Variants in CTNNA2 observed in about 807,000 individuals in gnomAD.
The protein encoded by CTNNA2 is catenin alpha 2, also known as catenin alpha-2.
A neutral mutation model predicts 101.0 loss-of-function variants in CTNNA2; 42 were observed. That is an observed-to-expected ratio of 0.42 (90% CI 0.32 to 0.54). The LOEUF (loss-of-function observed/expected upper bound fraction) is 0.54. Among genes scored for constraint, CTNNA2 ranks in the 20% least tolerant of loss-of-function variants. The pLI, the probability that CTNNA2 is intolerant of heterozygous loss-of-function variation, is 0.14. For missense variants in CTNNA2, 871 were observed against 1,223.1 expected (o/e 0.71, Z 4.29); for synonymous variants, 450 against 456.4 (o/e 0.99, Z 0.18).
chr2:79,787,258 C>T (rs773600929), intron 3 of CTNNA2, among the ~76,000 whole-genome samples: 1 of 151,900 alleles, frequency 6.6e-6, no homozygotes, highest in African/African-American at 2.4e-5. Context: ...TAACTTTTTT[C>T]AACTTTCTAT....
chr2:79,755,194 G>C (rs1369048030), intron 3 of CTNNA2, among the ~76,000 whole-genome samples: 3 of 152,096 alleles, frequency 2.0e-5, no homozygotes, highest in Non-Finnish European at 4.4e-5. Context: ...AGCTGGGCAT[G>C]GTGGTGCACA....
intron 4 of CTNNA2, among the ~76,000 whole-genome samples, chr2:79,462,428 C>T (rs889638639): frequency 1.3e-5 from 2 of 152,184 alleles, no homozygotes; most frequent in African/African-American, 4.8e-5. Context: ...ATGGTTTGGT[C>T]CACATGGTTA....
chr2:80,086,972 T>C (rs1250670809), intron 7 of CTNNA2, among the ~76,000 whole-genome samples: 8 of 151,988 alleles, frequency 5.3e-5, no homozygotes, highest in African/African-American at 1.7e-4. Context: ...AGATGATGCT[T>C]TGAGGATTAC....
chr2:79,777,476 C>T (rs983636411), intron 3 of CTNNA2, among the ~76,000 whole-genome samples: 1 of 151,954 alleles, frequency 6.6e-6, no homozygotes, highest in African/African-American at 2.4e-5. Flanking sequence ...TTAAGAGTAG[C>T]CGAGAGACTT....
chr2:80,218,079 T>G (rs1708373768), intron 7 of CTNNA2, among the ~76,000 whole-genome samples: 1 of 152,258 alleles, frequency 6.6e-6, no homozygotes, highest in Non-Finnish European at 1.5e-5. Flanking sequence ...AGAGGTTATT[T>G]ATTTTTCCCA....
intron 7 of CTNNA2, among the ~76,000 whole-genome samples, chr2:80,283,815 A>C (rs1674559093): frequency 6.6e-6 from 1 of 152,036 alleles, no homozygotes; most frequent in Non-Finnish European, 1.5e-5. Flanking sequence ...CAGGGAGTGG[A>C]AGAATGGAAG....
rs182935522 is a variant in CTNNA2, at chr2:80,137,844, A to G, written c.1056+228047A>G. On this transcript the variant is annotated intron_variant, in intron 7 of 18. Coordinates refer to ENST00000402739, the MANE Select transcript of CTNNA2 (RefSeq NM_001282597.3). Reference sequence around the variant, plus strand: ...CATTCCATTGTTGGGATTTTAAACAACAAAGTATTGTGAATAGAGTGTCTT... The same window carrying G: ...CATTCCATTGTTGGGATTTTAAACAGCAAAGTATTGTGAATAGAGTGTCTT... 5.1e-4 allele frequency among the ~76,000 whole-genome samples: 77 copies of G among 152,142 alleles called. No individual in the cohort carries two copies. The East Asian group carries it at 0.011, about 22-fold the overall frequency.
chr2:80,092,802 C>T (rs974657036), intron 7 of CTNNA2, among the ~76,000 whole-genome samples: 4 of 152,104 alleles, frequency 2.6e-5, no homozygotes, highest in African/African-American at 9.6e-5. Context: ...TCTATTCCAT[C>T]CAGAGGTTCC....
intron 4 of CTNNA2, among the ~76,000 whole-genome samples, chr2:79,496,437 C>T (rs1671256522): frequency 6.6e-6 from 1 of 152,028 alleles, no homozygotes; most frequent in Non-Finnish European, 1.5e-5. Flanking sequence ...AAGTTGAAAA[C>T]TGGAAAGTAT....
intron 7 of CTNNA2, among the ~76,000 whole-genome samples, chr2:80,380,192 A>G (rs533334326): frequency 9.9e-4 from 150 of 152,020 alleles, no homozygotes; most frequent in African/African-American, 3.3e-3. Flanking sequence ...GCCTGCCACC[A>G]TGCCCGGCTA....
rs1027318996 is a variant in CTNNA2, at chr2:79,218,820, T to C, written c.-406+20744T>C. On this transcript the variant is annotated intron_variant, in intron 2 of 21. Coordinates refer to the CTNNA2 transcript ENST00000466387. ...AATTACCAGAATCTTTCAGACATTGTGTAACTTTTTGCTAAAGTTCAAAAA... is the reference window on the plus strand; with the variant it reads ...AATTACCAGAATCTTTCAGACATTGCGTAACTTTTTGCTAAAGTTCAAAAA... Among the ~76,000 whole-genome samples, 3 of 152,204 alleles carry C rather than the reference T, an allele frequency of 2.0e-5. No individual in the cohort carries two copies. In the South Asian group the frequency reaches 6.2e-4, roughly 31 times the overall value.
rs947507427 is a variant in CTNNA2, at chr2:79,211,170, T to C, written c.-406+13094T>C. 3.3e-5 allele frequency among the ~76,000 whole-genome samples: 5 copies of C among 152,342 alleles called. No individual in the cohort carries two copies. The East Asian group carries it at 9.6e-4, about 29-fold the overall frequency. ...TTTAAGTGGATGTTTGTTTAAATCT[T>C]ACCTTTCACACTCTCCCTTCTCATT... On this transcript the variant is annotated intron_variant, in intron 2 of 21. Coordinates refer to the CTNNA2 transcript ENST00000466387.
chr2:79,997,669 T>C (rs1692654665), intron 7 of CTNNA2, among the ~76,000 whole-genome samples: 2 of 152,010 alleles, frequency 1.3e-5, no homozygotes, highest in South Asian at 4.2e-4. Context: ...CAGCAAAGAC[T>C]TCCAGAAGAA....
In CTNNA2 at chr2:80,598,300, C is replaced by T. The variant is rs186672814; in HGVS notation, c.2190-5774C>T. ...GGGAACAACACACACTGGGGCCTGT[C>T]AAGGGTTGGGGAGCAAGGGAAGGAA... On this transcript the variant is annotated intron_variant, in intron 15 of 18. Coordinates refer to ENST00000402739, the MANE Select transcript of CTNNA2 (RefSeq NM_001282597.3). Among the ~76,000 whole-genome samples, 911 of 152,102 alleles carry T rather than the reference C, an allele frequency of 6.0e-3. 11 individuals carry two copies. The highest frequency in any genetic ancestry group is 6.8e-3 in the Non-Finnish European group (464 of 67,962).
intron 1 of CTNNA2, among the ~76,000 whole-genome samples, chr2:79,616,953 G>A (rs558918177): frequency 6.6e-6 from 1 of 150,904 alleles, no homozygotes; most frequent in Non-Finnish European, 1.5e-5. Context: ...CCAGGCTGGG[G>A]TAGAATGGTG....
intron 4 of CTNNA2, among the ~76,000 whole-genome samples, chr2:79,470,176 TAGG>T (rs1670982633): frequency 1.3e-5 from 2 of 152,146 alleles, no homozygotes; most frequent in South Asian, 4.1e-4. Context: ...TCAGATTATT[TAGG>T]AGGCCAGTGA....
chr2:79,835,163 A>G (rs536098799), intron 3 of CTNNA2, among the ~76,000 whole-genome samples: 118 of 152,210 alleles, frequency 7.8e-4, no homozygotes, highest in African/African-American at 2.7e-3. Flanking sequence ...CTTTTCCTCA[A>G]TCAAAACTTG....
intron 9 of CTNNA2, among the ~76,000 whole-genome samples, chr2:80,464,951 T>G (rs1221563288): frequency 6.6e-6 from 1 of 152,194 alleles, no homozygotes; most frequent in Non-Finnish European, 1.5e-5. Flanking sequence ...TCTGATGGTT[T>G]TGTTTCTTTC....
At position 79,391,372 on chromosome 2, in the gene CTNNA2, C is replaced by T. The variant is rs74587252; in HGVS notation, c.-135+17359C>T. Among the ~76,000 whole-genome samples, 308 of 152,192 alleles carry T rather than the reference C, an allele frequency of 2.0e-3. 2 individuals carry two copies. Among genetic ancestry groups the T allele is most frequent in the African/African-American group, 6.9e-3 (288 of 41,530 alleles). On this transcript the variant is annotated intron_variant, in intron 4 of 21. Transcript: ENST00000466387. Reference sequence around the variant, plus strand: ...ACTTAATGGATAGTAAATATATTTTCTTTCTTTATTTTCTTAATAGCAGTT... The same window carrying T: ...ACTTAATGGATAGTAAATATATTTTTTTTCTTTATTTTCTTAATAGCAGTT...
Sources: gnomAD v4.1 joint callset for allele counts (sites outside exome capture counted in the v4.1 genomes callset) on GRCh38, gnomAD v4.1.1 for gene constraint, MANE v1.5 for transcripts, NCBI Gene and HGNC (gene_info 2026-07-23, HGNC 2026-07-21) for gene names.